Variants in RAB27A observed in about 807,000 individuals in gnomAD.
RAB27A encodes ras-related protein Rab-27A.
In RAB27A, 17 loss-of-function variants were observed where a neutral mutation model predicts 20.8. That is an observed-to-expected ratio of 0.82 (90% confidence interval 0.56 to 1.23). The LOEUF (loss-of-function observed/expected upper bound fraction) is 1.23. RAB27A is among the 50% of genes most tolerant of loss of function. The pLI, the probability that RAB27A is intolerant of heterozygous loss-of-function variation, is 0.00. For missense variants in RAB27A, 277 were observed against 266.7 expected, an observed-to-expected ratio of 1.04 and a Z score of -0.27; for synonymous variants, 85 against 92.8, an observed-to-expected ratio of 0.92 and a Z score of 0.48.
chr15:55,229,779 G>T (rs938591615), intron 4 of RAB27A, among the ~76,000 whole-genome samples: 1 of 152,146 alleles, frequency 6.6e-6, no homozygotes, highest in Non-Finnish European at 1.5e-5. Context: ...AGGGGGTGGG[G>T]TGAGAAGAGG....
At chr15:55,222,975 T>C (rs1304589927) in intron 6 of RAB27A, among the ~76,000 whole-genome samples, 1 of 150,398 alleles carries the variant, frequency 6.6e-6, no homozygotes, top group Non-Finnish European at 1.5e-5. Flanking sequence ...ACCACTTCTT[T>C]CATGTCCAGT....
At position 55,303,873 on chromosome 15, in the gene RAB27A, G is replaced by A. The variant is rs1431913527; in HGVS notation, c.-112+10166C>T. Reference sequence around the variant, plus strand: ...GCCCCCCTGCCCAGCCAGCCGGCCCGTCCGGGAGGTGAGGGGCGCCTCTGC... The same window carrying A: ...GCCCCCCTGCCCAGCCAGCCGGCCCATCCGGGAGGTGAGGGGCGCCTCTGC... On this transcript the variant is annotated intron_variant, in intron 2 of 5. Coordinates refer to the RAB27A transcript ENST00000563262. Among the ~76,000 whole-genome samples, 6 of 142,592 alleles carry A rather than the reference G, an allele frequency of 4.2e-5. 1 individual carries two copies. The highest frequency in any genetic ancestry group is 2.3e-4 in the South Asian group (1 of 4,360). 93.5% of individuals were successfully genotyped at this position (142,592 alleles called of 152,430 possible).
At chr15:55,296,111 G>A (rs562212692) in intron 2 of RAB27A, among the ~76,000 whole-genome samples, 5 of 151,520 alleles carry the variant, frequency 3.3e-5, no homozygotes, top group Non-Finnish European at 5.9e-5. Flanking sequence ...GGCCAGGCTG[G>A]TCTCGAACTC....
chr15:55,215,774 C>A (rs1216664729), intron 6 of RAB27A, among the ~76,000 whole-genome samples: 2 of 151,078 alleles, frequency 1.3e-5, no homozygotes, highest in African/African-American at 4.9e-5. Context: ...CCAGAAACCC[C>A]GTCTCTACTA....
chr15:55,295,167 A>T (rs2054943445), intron 2 of RAB27A, among the ~76,000 whole-genome samples: 1 of 152,134 alleles, frequency 6.6e-6, no homozygotes, highest in African/African-American at 2.4e-5. Context: ...ACTAGGTTGG[A>T]AAGAAAGAAA....
At chr15:55,302,099 C>G (rs879320946) in intron 2 of RAB27A, among the ~76,000 whole-genome samples, 5 of 151,680 alleles carry the variant, frequency 3.3e-5, no homozygotes, top group Admixed American at 6.6e-5. Flanking sequence ...ATCGCTTGAA[C>G]CCGGGAGGCA....
intron 3 of RAB27A, 106 bp from the exon 4 acceptor site, chr15:55,230,592 G>A: frequency 3.6e-6 from 3 of 827,916 alleles, no homozygotes; most frequent in Non-Finnish European, 6.1e-6. Context: ...AAATTCCAAA[G>A]AGAATGCCAT....
At chr15:55,221,857 C>G (rs1895587279) in intron 6 of RAB27A, among the ~76,000 whole-genome samples, 1 of 152,092 alleles carries the variant, frequency 6.6e-6, no homozygotes, top group Non-Finnish European at 1.5e-5. Flanking sequence ...TGCAGGACAC[C>G]CACACCAGCC....
At chr15:55,263,004 T>A (rs937957847) in intron 2 of RAB27A, among the ~76,000 whole-genome samples, 5 of 152,230 alleles carry the variant, frequency 3.3e-5, no homozygotes, top group African/African-American at 1.2e-4. Context: ...CTTTATCACA[T>A]TTTGTTTCAG....
At chr15:55,241,115 C>A (rs1414646124) in intron 2 of RAB27A, among the ~76,000 whole-genome samples, 1 of 152,252 alleles carries the variant, frequency 6.6e-6, no homozygotes, top group East Asian at 1.9e-4. Context: ...AGGCAATGTT[C>A]TTTTCTTTCC....
At chr15:55,229,304 G>T (rs1022483494) in intron 4 of RAB27A, among the ~76,000 whole-genome samples, 1 of 151,892 alleles carries the variant, frequency 6.6e-6, no homozygotes, top group African/African-American at 2.4e-5. Flanking sequence ...CTCCAGGGAA[G>T]AAAATATTGG....
chr15:55,288,079 T>C (rs1157444779), intron 1 of RAB27A, among the ~76,000 whole-genome samples: 1 of 152,206 alleles, frequency 6.6e-6, no homozygotes, highest in Admixed American at 6.5e-5. Flanking sequence ...CCTCACACCA[T>C]ATTTAAAAAT....
At chr15:55,242,672 T>C (rs1896538412) in intron 2 of RAB27A, among the ~76,000 whole-genome samples, 1 of 152,194 alleles carries the variant, frequency 6.6e-6, no homozygotes, top group South Asian at 2.1e-4. Context: ...TTAAGTTAAG[T>C]ACAATGATTT....
chr15:55,316,769 T>C (rs937189843), intron 1 of RAB27A, among the ~76,000 whole-genome samples: 3 of 152,172 alleles, frequency 2.0e-5, no homozygotes, highest in African/African-American at 4.8e-5. Context: ...ATCTGTGTCA[T>C]ATCTGCCATC....
chr15:55,209,899 CAT>C lies in RAB27A; in HGVS notation c.468-4196_468-4195del, dbSNP rs1416231399. Among the ~76,000 whole-genome samples the C allele has an allele frequency of 9.9e-4, 115 of 116,380 alleles. 11 individuals are homozygous for C. The highest frequency in any genetic ancestry group is 6.1e-3 in the South Asian group (25 of 4,124). The allele number at this position is 116,380 out of a possible 152,430, so 76.3% of individuals were successfully genotyped here. A position where few individuals can be genotyped will look rare whatever the true frequency, so the allele number is the denominator to read the frequency against. On this transcript the variant is annotated intron_variant, in intron 6 of 6. Transcript: ENST00000336787. ...ATATGTGTGTGTATACATATATACA[CAT>C]ATGTGTGTGTATGTATATACACACA...
At chr15:55,270,855 T>G (rs924418142) in intron 1 of RAB27A, 1 of 152,204 alleles carries the variant, frequency 6.6e-6, no homozygotes, top group Non-Finnish European at 1.5e-5. Context: ...TGTCCCGTAC[T>G]CACCTCCTTT....
intron 2 of RAB27A, among the ~76,000 whole-genome samples, chr15:55,246,992 G>C (rs764272052): frequency 1.3e-5 from 2 of 152,120 alleles, no homozygotes; most frequent in Non-Finnish European, 2.9e-5. Flanking sequence ...GCCTGATGAA[G>C]ATCAATGAAT....
chr15:55,249,945 A>C (rs1041660316), intron 2 of RAB27A, among the ~76,000 whole-genome samples: 1 of 151,918 alleles, frequency 6.6e-6, no homozygotes, highest in Non-Finnish European at 1.5e-5. Context: ...AAACTTATTA[A>C]GATTTTTTTT....
Position 55,205,612 on chromosome 15 carries a change from C to T in RAB27A, c.561G>A (p.Arg187=), listed in dbSNP as rs1470986814. The T allele has an allele frequency of 1.9e-6, 3 of 1,614,156 alleles. No homozygotes were observed. The highest frequency in any genetic ancestry group is 2.7e-5 in the African/African-American group (2 of 75,040). ...LLDLIMKRME[R]CVDKSWIPEG... ...CAGGAATCCAGGACTTGTCCACACA[C>T]CGTTCCATTCGCTTCATTATCAGGT... Residue 187 remains arginine, a synonymous_variant, in exon 7 of 7, where the codon CGG becomes CGA. Coordinates refer to ENST00000336787, the MANE Select transcript of RAB27A (RefSeq NM_183235.3).
Sources: gnomAD v4.1 joint callset for allele counts (sites outside exome capture counted in the v4.1 genomes callset) on GRCh38, gnomAD v4.1.1 for gene constraint, MANE v1.5 for transcripts, NCBI Gene and HGNC (gene_info 2026-07-23, HGNC 2026-07-21) for gene names.